The following ATXN10 variants were observed in gnomAD, a reference collection of about 807,000 sequenced individuals.
The protein encoded by ATXN10 is ataxin 10, also known as ataxin-10.
ATXN10 carries 28 observed loss-of-function variants against 52.9 expected under a neutral mutation model. That is an observed-to-expected ratio of 0.53 (90% CI 0.39 to 0.73). ATXN10 has a LOEUF of 0.73. Among genes scored for constraint, ATXN10 ranks in the 30% least tolerant of loss-of-function variants. ATXN10 has a pLI of 0.00. For missense variants in ATXN10, 565 were observed against 577.0 expected (o/e 0.98, Z 0.21); for synonymous variants, 226 against 221.5 (o/e 1.02, Z -0.18).
chr22:45,699,601 C>T (rs1367033931), intron 3 of ATXN10, among the ~76,000 whole-genome samples: 1 of 149,850 alleles, frequency 6.7e-6, no homozygotes, highest in Non-Finnish European at 1.5e-5. Context: ...AGCAATTCTC[C>T]CTGCCTCAGC....
intron 10 of ATXN10, among the ~76,000 whole-genome samples, chr22:45,809,641 T>A (rs942509439): frequency 6.6e-6 from 1 of 152,208 alleles, no homozygotes; most frequent in Admixed American, 6.5e-5. Context: ...CGTTCCCTGT[T>A]GCCCACGCTG....
chr22:45,835,654 C>T lies in ATXN10; in HGVS notation c.1238-7337C>T, dbSNP rs369585840. The stretch of plus-strand genomic sequence containing the variant: ...TGGGGCCTATGTACCACTTCCCTTA[C>T]GGCCTAGAAGCCGATTAGCAGCCTC... On this transcript the variant is annotated intron_variant, in intron 10 of 11. Transcript: ENST00000252934. This position sits in a 1 kb window ranked among gnomAD's most constrained non-coding sequence, Gnocchi z 5.0. Among the ~76,000 whole-genome samples, 27 of 152,340 alleles carry T rather than the reference C, an allele frequency of 1.8e-4. No individual in the cohort carries two copies. The East Asian group carries it at 4.6e-3, about 26-fold the overall frequency.
rs1325829598 is a variant in ATXN10, at chr22:45,774,304, C to G, written c.1174-32655C>G. ...CAGTAGAGTGAGAGCAGGAGCTGCA[C>G]CTGTCTGGAATGGCAGCCTGTCCCT... On this transcript the variant is annotated intron_variant, in intron 9 of 11. Transcript: ENST00000252934. This position sits in a 1 kb window ranked among gnomAD's most constrained non-coding sequence, Gnocchi z 6.2. Among the ~76,000 whole-genome samples, 1 of 152,346 alleles carries G rather than the reference C, an allele frequency of 6.6e-6. No homozygotes were observed. Among genetic ancestry groups the G allele is most frequent in the South Asian group, 2.1e-4 (1 of 4,824 alleles).
Position 45,718,398 on chromosome 22 carries a change from CTCT to C in ATXN10, c.648-13_648-11del. ...TGTTTCAAGTAACCAAACTTTCCTC[CTCT>C]TTTTTCCCTAGGTTCTTGATTATTA... On this transcript the variant is annotated splice_polypyrimidine_tract_variant and intron_variant, in intron 5 of 11. Coordinates refer to ENST00000252934, the MANE Select transcript of ATXN10 (RefSeq NM_013236.4). The surrounding 1 kb of genome is among the most constrained non-coding windows in gnomAD (Gnocchi z 4.4). The C allele has an allele frequency of 6.2e-7, 1 of 1,606,808 alleles. No homozygotes were observed. Among genetic ancestry groups the C allele is most frequent in the Non-Finnish European group, 8.5e-7 (1 of 1,173,428 alleles).
chr22:45,749,257 A>G (rs540411847), intron 9 of ATXN10, among the ~76,000 whole-genome samples: 5 of 152,272 alleles, frequency 3.3e-5, no homozygotes, highest in Admixed American at 2.0e-4. Context: ...AAATTAATGG[A>G]CGCTGGATGA....
At chr22:45,736,304 A>G (rs2351090) in intron 7 of ATXN10, among the ~76,000 whole-genome samples, 40,168 of 152,110 alleles carry the variant, frequency 0.26, 6,442 homozygotes, top group East Asian at 0.53. Flanking sequence ...AAGCTCCAAC[A>G]TATTTCATCA....
At chr22:45,808,470 G>T (rs1010542807) in intron 10 of ATXN10, among the ~76,000 whole-genome samples, 1 of 152,188 alleles carries the variant, frequency 6.6e-6, no homozygotes, top group African/African-American at 2.4e-5. Flanking sequence ...GCCTACAGAT[G>T]CTCGCAGCAC....
chr22:45,804,971 G>T (rs760816486), intron 9 of ATXN10, among the ~76,000 whole-genome samples: 1 of 152,038 alleles, frequency 6.6e-6, no homozygotes, highest in Non-Finnish European at 1.5e-5. Flanking sequence ...ATCTCCTGGC[G>T]ATCCTCCCGC....
chr22:45,714,812 T>C (rs1241162494), intron 5 of ATXN10, among the ~76,000 whole-genome samples: 1 of 152,232 alleles, frequency 6.6e-6, no homozygotes, highest in Admixed American at 6.5e-5. Flanking sequence ...TTTCTTCTAG[T>C]ATATCATTTC....
chr22:45,756,504 A>G (rs985306928), intron 9 of ATXN10, among the ~76,000 whole-genome samples: 2 of 152,220 alleles, frequency 1.3e-5, no homozygotes, highest in African/African-American at 4.8e-5. Flanking sequence ...ACATTTCCAA[A>G]AAGATATATT....
At position 45,715,286 on chromosome 22, in the gene ATXN10, A is replaced by C. The variant is rs1924403221; in HGVS notation, c.648-3127A>C. ...TTTATGTTGTTTAAGGTAGGGGGTA[A>C]ATTGTTATTCCATTATGCCCAGAAG... On this transcript the variant is annotated intron_variant, in intron 5 of 11. Transcript: ENST00000252934. This position sits in a 1 kb window ranked among gnomAD's most constrained non-coding sequence, Gnocchi z 4.4. Among the ~76,000 whole-genome samples the C allele has an allele frequency of 6.6e-6, 1 of 152,160 alleles. No homozygotes were observed. Among genetic ancestry groups the C allele is most frequent in the Non-Finnish European group, 1.5e-5 (1 of 68,030 alleles).
rs571664523 is a variant in ATXN10, at chr22:45,823,468, G to A, written c.1237+16446G>A. Among the ~76,000 whole-genome samples the A allele has an allele frequency of 3.9e-5, 6 of 152,088 alleles. No homozygotes were observed. Among genetic ancestry groups the A allele is most frequent in the South Asian group, 2.1e-4 (1 of 4,808 alleles). ...CCCCTGCGATTATGCAGTTGTTTCCGTTTCAGTATTTAAAAACCTTCATTT... is the reference window on the plus strand; with the variant it reads ...CCCCTGCGATTATGCAGTTGTTTCCATTTCAGTATTTAAAAACCTTCATTT... On this transcript the variant is annotated intron_variant, in intron 10 of 11. Coordinates refer to ENST00000252934, the MANE Select transcript of ATXN10 (RefSeq NM_013236.4). This position sits in a 1 kb window ranked among gnomAD's most constrained non-coding sequence, Gnocchi z 4.9.
At chr22:45,695,118 C>G (rs931381924) in intron 3 of ATXN10, among the ~76,000 whole-genome samples, 3 of 151,592 alleles carry the variant, frequency 2.0e-5, no homozygotes, top group Admixed American at 1.3e-4. Flanking sequence ...ATCACGAGGT[C>G]AGGAGATCTA....
In ATXN10 at chr22:45,842,390, G is replaced by A. The variant is rs1041760494; in HGVS notation, c.1238-601G>A. Among the ~76,000 whole-genome samples, 1 of 152,212 alleles carries A rather than the reference G, an allele frequency of 6.6e-6. No individual in the cohort carries two copies. Among genetic ancestry groups the A allele is most frequent in the Non-Finnish European group, 1.5e-5 (1 of 68,038 alleles). ...AGCCCCGATGCTTTCAGGAGCCTGA[G>A]TATTCAAACTAAACACAGCAAATCC... On this transcript the variant is annotated intron_variant, in intron 10 of 11. Transcript: ENST00000252934. The surrounding 1 kb of genome is among the most constrained non-coding windows in gnomAD (Gnocchi z 4.8).
chr22:45,795,415 A>ATTCTATTCTATTCTATTCTATTCTT lies in ATXN10; in HGVS notation c.1174-11535_1174-11534insATTCTATTCTATTCTTTTCTATTCT, dbSNP rs747787715. Among the ~76,000 whole-genome samples the ATTCTATTCTATTCTATTCTATTCTT allele has an allele frequency of 2.1e-3, 283 of 134,196 alleles. 1 individual carries two copies. The highest frequency in any genetic ancestry group is 0.015 in the Middle Eastern group (4 of 264). The allele number at this position is 134,196 out of a possible 152,430, so 88.0% of individuals were successfully genotyped here. The stretch of plus-strand genomic sequence containing the variant: ...ATTCTATTCTATTCTATTCTATTCT[A>ATTCTATTCTATTCTATTCTATTCTT]TTCTATTCTTTTTGAGATGAAGTCT... On this transcript the variant is annotated intron_variant, in intron 9 of 11. Coordinates refer to ENST00000252934, the MANE Select transcript of ATXN10 (RefSeq NM_013236.4). The surrounding 1 kb of genome is among the most constrained non-coding windows in gnomAD (Gnocchi z 4.6).
chr22:45,725,037 A>G (rs1924813197), intron 6 of ATXN10, among the ~76,000 whole-genome samples: 1 of 152,106 alleles, frequency 6.6e-6, no homozygotes, highest in African/African-American at 2.4e-5. Context: ...TATCAGTACA[A>G]TCCTGTTTTG....
At chr22:45,706,777 A>G (rs1249276461) in intron 5 of ATXN10, among the ~76,000 whole-genome samples, 1 of 152,060 alleles carries the variant, frequency 6.6e-6, no homozygotes, top group Non-Finnish European at 1.5e-5. Flanking sequence ...GGCTTCTTTT[A>G]TGGCCTGACA....
rs1929220400 is a variant in ATXN10, at chr22:45,837,885, T to C, written c.1238-5106T>C. Among the ~76,000 whole-genome samples the C allele has an allele frequency of 6.6e-6, 1 of 152,248 alleles. No individual in the cohort carries two copies. The highest frequency in any genetic ancestry group is 1.5e-5 in the Non-Finnish European group (1 of 68,046). ...TAAAACTGTTTTTAGTTTGCTGTCATAAAAAGCACAGGCCATCATTTGCTG... is the reference window on the plus strand; with the variant it reads ...TAAAACTGTTTTTAGTTTGCTGTCACAAAAAGCACAGGCCATCATTTGCTG... On this transcript the variant is annotated intron_variant, in intron 10 of 11. Coordinates refer to ENST00000252934, the MANE Select transcript of ATXN10 (RefSeq NM_013236.4). This position sits in a 1 kb window ranked among gnomAD's most constrained non-coding sequence, Gnocchi z 5.8.
chr22:45,704,304 A>G (rs1923954557), intron 5 of ATXN10, among the ~76,000 whole-genome samples: 2 of 149,584 alleles, frequency 1.3e-5, no homozygotes, highest in South Asian at 4.2e-4. Flanking sequence ...CAACTTTTCA[A>G]TTTGTTAAAA....
Sources: allele counts gnomAD v4.1 joint callset (sites outside exome capture counted in the v4.1 genomes callset), GRCh38; gene constraint gnomAD v4.1.1; non-coding constraint Gnocchi (gnomAD v3.1); transcripts MANE v1.5; gene names NCBI Gene and HGNC (gene_info 2026-07-23, HGNC 2026-07-21).